CASKIN1: variants seen among roughly 807,000 people sequenced by gnomAD.
CASKIN1 encodes caskin-1.
A neutral mutation model predicts 117.5 loss-of-function variants in CASKIN1; 42 were observed. That is an observed-to-expected ratio of 0.36 (90% CI 0.28 to 0.46). CASKIN1 has a LOEUF of 0.46. Ranked by LOEUF, CASKIN1 falls within the 20% of genes least tolerant of loss-of-function variation. The probability of loss-of-function intolerance (pLI) is 1.00; values close to 1 mark genes in which losing one functional copy is unlikely to be tolerated. For synonymous variants in CASKIN1, 1,148 were observed against 961.7 expected (o/e 1.19, Z -3.59); for missense variants, 2,083 against 2,077.3 (o/e 1.00, Z -0.05).
In CASKIN1 at chr16:2,180,607, T is replaced by G. The variant is rs760195405; in HGVS notation, c.2761A>C (p.Arg921=). The G allele has an allele frequency of 6.4e-7, 1 of 1,572,184 alleles. No homozygotes were observed. The highest frequency in any genetic ancestry group is 1.8e-5 in the Admixed American group (1 of 55,912). Residue 921 remains arginine (R), a synonymous_variant, in exon 18 of 20, where the codon AGG becomes CGG. Transcript: ENST00000343516. The part of the protein sequence containing the change: ...QRRVGRSHSV[R]APAGADKNVN... ...TTCTTGTCGGCACCTGCGGGCGCCC[T>G]CACTGAGTGGCTGCGGCCCACGCGC...
At chr16:2,187,126 C>A (rs2093187331) in intron 8 of CASKIN1, 40 bp downstream of exon 8, 1 of 1,612,818 alleles carries the variant, frequency 6.2e-7, no homozygotes, top group Non-Finnish European at 8.5e-7. Flanking sequence ...TGGCCCAGCC[C>A]CAGCCCCAGC....
In CASKIN1 at chr16:2,187,070, C is replaced by T; in HGVS notation, c.838G>A (p.Ala280Thr). 6.2e-7 allele frequency: 1 copy of T among 1,613,516 alleles called. No homozygotes were observed. The highest frequency in any genetic ancestry group is 8.5e-7 in the Non-Finnish European group (1 of 1,179,888). ...GCCCGGACCTGCAGGGCCGCTGAGG[C>T]CTCTGGGGATACAGGAGGGGGCCCC... ...SREIKQLLRE[A>T]SAALQVRATK... The change falls in exon 9 of 20, where the codon GCC becomes ACC. Residue 280 changes from alanine to threonine, a missense_variant and splice_region_variant. This residue lies in a region of CASKIN1 where 1,818 missense variants were observed against 1,688.9 expected (regional missense o/e 1.08). Transcript: ENST00000343516.
chr16:2,192,452 C>T (rs2093203903), intron 1 of CASKIN1, among the ~76,000 whole-genome samples: 1 of 152,112 alleles, frequency 6.6e-6, no homozygotes, highest in Admixed American at 6.5e-5. Context: ...AGTGGCCGTA[C>T]GTGGGGCTCC....
rs2093187646 is a variant in CASKIN1, at chr16:2,187,247, T to C, written c.754A>G (p.Thr252Ala). Residue 252 changes from threonine to alanine, a missense_variant, in exon 8 of 20, where the codon ACC becomes GCC. By Grantham distance (58) the Thr-to-Ala change is moderately conservative (BLOSUM62 0). Transcript: ENST00000343516. ...DSGINAHVRN[T>A]YSQTALDIVH... ...ATGTCCAGGGCTGTCTGGCTGTAGG[T>C]GTTCCTCACGTGGGCATTGATCCCG... 2 of 1,613,986 alleles carry C rather than the reference T, an allele frequency of 1.2e-6. No individual in the cohort carries two copies. The highest frequency in any genetic ancestry group is 1.7e-6 in the Non-Finnish European group (2 of 1,179,966).
rs1157265593 is a variant in CASKIN1, at chr16:2,181,589, C to T, written c.1779G>A (p.Lys593=). The part of the protein sequence containing the change: ...EIGITKLGHQ[K]KLMLAVRKLA... Reference sequence around the variant, plus strand: ...GCTTCCTCACAGCGAGCATCAGCTTCTTCTGGTGCCCTGAGTGGGGCGCAG... The same window carrying T: ...GCTTCCTCACAGCGAGCATCAGCTTTTTCTGGTGCCCTGAGTGGGGCGCAG... Residue 593 remains lysine (K), a synonymous_variant, in exon 18 of 20, where the codon AAG becomes AAA. Coordinates refer to ENST00000343516, the MANE Select transcript of CASKIN1 (RefSeq NM_020764.4). 5.8e-6 allele frequency: 9 copies of T among 1,548,610 alleles called. 1 individual carries two copies. Among genetic ancestry groups the T allele is most frequent in the Middle Eastern group, 3.4e-4 (2 of 5,952 alleles).
At chr16:2,190,238 C>A in intron 2 of CASKIN1, 68 bp from the exon 3 acceptor site, 1 of 1,592,846 alleles carries the variant, frequency 6.3e-7, no homozygotes, top group Non-Finnish European at 8.5e-7. Flanking sequence ...CCCTGCCCTC[C>A]CCCGGCACCT....
rs1035807616 is a variant in CASKIN1 at position 2,182,399 on chromosome 16, C to T, written c.1630-470G>A. Among the ~76,000 whole-genome samples, 1 of 152,098 alleles carries T rather than the reference C, an allele frequency of 6.6e-6. No individual in the cohort carries two copies. Among genetic ancestry groups the T allele is most frequent in the Non-Finnish European group, 1.5e-5 (1 of 68,016 alleles). ...CCCACATCACAGGGCCACACACATGCCACACAGCCACAACACACACACGTG... is the reference window on the plus strand; with the variant it reads ...CCCACATCACAGGGCCACACACATGTCACACAGCCACAACACACACACGTG... On this transcript the variant is annotated intron_variant, in intron 16 of 19. Coordinates refer to ENST00000343516, the MANE Select transcript of CASKIN1 (RefSeq NM_020764.4). This position sits in a 1 kb window ranked among gnomAD's most constrained non-coding sequence, Gnocchi z 4.1.
Position 2,180,279 on chromosome 16 carries a change from GGAGTGGGGT to G in CASKIN1, c.3080_3088del (p.His1027_Thr1029del). On this transcript the variant is annotated inframe_deletion, in exon 18 of 20. Transcript: ENST00000343516. ...GCCCGGCTCTGGGCTGGCAGGGCGG[GGAGTGGGGT>G]GGCCCTCAGGAGGCCTGCGGGCAGC... 1 of 1,568,868 alleles carries G rather than the reference GGAGTGGGGT, an allele frequency of 6.4e-7. No individual in the cohort carries two copies. Among genetic ancestry groups the G allele is most frequent in the Non-Finnish European group, 8.6e-7 (1 of 1,160,024 alleles).
At position 2,187,610 on chromosome 16, in the gene CASKIN1, T is replaced by A. The variant is rs1204162377; in HGVS notation, c.618-149A>T. On this transcript the variant is annotated intron_variant, in intron 6 of 19. Coordinates refer to ENST00000343516, the MANE Select transcript of CASKIN1 (RefSeq NM_020764.4). ...CCTGCCCCATGTCTCTGACATTCAC[T>A]GAGTGCTGAGCGCTTTTTTTTTCTT... 9 of 641,970 alleles carry A rather than the reference T, an allele frequency of 1.4e-5. No individual in the cohort carries two copies. In the East Asian group the frequency reaches 2.2e-4, roughly 16 times the overall value. The allele number at this position is 641,970 out of a possible 1,614,324, so 39.8% of individuals were successfully genotyped here. A position where few individuals can be genotyped will look rare whatever the true frequency, so the allele number is the denominator to read the frequency against.
chr16:2,187,500 C>T (rs369708300), intron 6 of CASKIN1, 39 bp from the exon 7 acceptor site: 50 of 1,552,574 alleles, frequency 3.2e-5, no homozygotes, highest in Non-Finnish European at 4.1e-5. Flanking sequence ...GGCCTTCCAG[C>T]AGGAGGCCGG....
chr16:2,183,865 T>C lies in CASKIN1; in HGVS notation c.1493A>G (p.Tyr498Cys). Reference protein sequence around the residue: ...LYAPNFISAGYDLPTISRMTP... With the variant: ...LYAPNFISAGCDLPTISRMTP... ...CATGCGGCTGATGGTGGGCAGGTCGTAGCCGGCGCTGATGAAGTTGGGGGC... is the reference window on the plus strand; with the variant it reads ...CATGCGGCTGATGGTGGGCAGGTCGCAGCCGGCGCTGATGAAGTTGGGGGC... Residue 498 changes from tyrosine (Y) to cysteine (C), a missense_variant, in exon 15 of 20, where the codon TAC (tyrosine) becomes TGC (cysteine). Tyr to Cys is a radical substitution (Grantham distance 194). Around this residue, in one of 3 missense-constraint regions of CASKIN1, gnomAD observed 1,818 missense variants for 1,688.9 expected, o/e 1.08. Transcript: ENST00000343516. 4 of 1,612,718 alleles carry C rather than the reference T, an allele frequency of 2.5e-6. No homozygotes were observed. The highest frequency in any genetic ancestry group is 3.4e-6 in the Non-Finnish European group (4 of 1,179,762).
In CASKIN1 at chr16:2,180,326, C is replaced by A; in HGVS notation, c.3042G>T (p.Gly1014=). Residue 1014 remains glycine, a synonymous_variant, in exon 18 of 20, where the codon GGG becomes GGT. Coordinates refer to ENST00000343516, the MANE Select transcript of CASKIN1 (RefSeq NM_020764.4). ...IAAMLELSSI[G]GGGRAARRPP... ...GCCTGCGGGCAGCCCGGCCCCCACC[C>A]CCAATGGAGGACAGCTCCAGCATGG... 6.3e-7 allele frequency: 1 copy of A among 1,597,588 alleles called. No individual in the cohort carries two copies.
In CASKIN1 at chr16:2,189,011, C is replaced by G; in HGVS notation, c.617+16G>C. The G allele has an allele frequency of 6.2e-7, 1 of 1,605,284 alleles. No individual in the cohort carries two copies. The stretch of plus-strand genomic sequence containing the variant: ...GGGGACCCTAAGGCTGAGGCCCTCC[C>G]TGCTACCGGCTCTACCTGATGATGT... On this transcript the variant is annotated intron_variant, in intron 6 of 19. Transcript: ENST00000343516.
chr16:2,189,999 T>C, intron 3 of CASKIN1, 74 bp downstream of exon 3: 1 of 1,365,834 alleles, frequency 7.3e-7, no homozygotes, highest in South Asian at 1.2e-5. Flanking sequence ...CAGCCAAGGA[T>C]CCATGCAGGC....
chr16:2,192,211 A>C (rs1374885152), intron 1 of CASKIN1, among the ~76,000 whole-genome samples: 2 of 151,500 alleles, frequency 1.3e-5, no homozygotes, highest in Admixed American at 6.6e-5. Flanking sequence ...AGGCGGGAGG[A>C]TCGCTTGAGC....
chr16:2,193,664 G>T (rs1309253662), intron 1 of CASKIN1, among the ~76,000 whole-genome samples: 1 of 152,244 alleles, frequency 6.6e-6, no homozygotes, highest in Non-Finnish European at 1.5e-5. Context: ...TCAAAGCCCA[G>T]AAAGTAACAT....
At position 2,185,163 on chromosome 16, in the gene CASKIN1, C is replaced by T. The variant is rs1596689730; in HGVS notation, c.1187G>A (p.Gly396Asp). 1 of 1,609,582 alleles carries T rather than the reference C, an allele frequency of 6.2e-7. No homozygotes were observed. The highest frequency in any genetic ancestry group is 8.5e-7 in the Non-Finnish European group (1 of 1,179,564). The change falls in exon 12 of 20, where the codon GGC becomes GAC. Residue 396 changes from glycine to aspartate, a missense_variant. Coordinates refer to ENST00000343516, the MANE Select transcript of CASKIN1 (RefSeq NM_020764.4). ...DRSGSISGMAGGRGSGGHALH... is the reference protein window; with the variant it reads ...DRSGSISGMADGRGSGGHALH... Reference sequence around the variant, plus strand: ...GGCGTGACCCCCGCTGCCCCGGCCGCCAGCCATGCCGCTAATGCTGCCGCT... The same window carrying T: ...GGCGTGACCCCCGCTGCCCCGGCCGTCAGCCATGCCGCTAATGCTGCCGCT...
At chr16:2,184,102 C>A (rs527564460) in intron 14 of CASKIN1, among the ~76,000 whole-genome samples, 161 bp from the exon 15 acceptor site, 1 of 152,078 alleles carries the variant, frequency 6.6e-6, no homozygotes, top group African/African-American at 2.4e-5. Context: ...CGTGAGTGAT[C>A]CTCAGTCCGC....
chr16:2,180,779 C>T lies in CASKIN1; in HGVS notation c.2589G>A (p.Leu863=), dbSNP rs1005042924. The change falls in exon 18 of 20, where the codon CTG becomes CTA. Residue 863 remains leucine, a synonymous_variant. Coordinates refer to ENST00000343516, the MANE Select transcript of CASKIN1 (RefSeq NM_020764.4). ...PPPVPTAVPT[L]CLPPEADAEP... is the part of the protein sequence containing the mutation. The stretch of plus-strand genomic sequence containing the variant: ...CCGCGTCGGCCTCAGGGGGCAGGCA[C>T]AGTGTGGGCACAGCCGTCGGCACGG... 1.4e-6 allele frequency: 2 copies of T among 1,425,396 alleles called. No homozygotes were observed. The highest frequency in any genetic ancestry group is 3.0e-5 in the Admixed American group (1 of 33,158). The allele number at this position is 1,425,396 out of a possible 1,614,324, so 88.3% of individuals were successfully genotyped here.
Sources: allele counts gnomAD v4.1 joint callset (sites outside exome capture counted in the v4.1 genomes callset), GRCh38; gene constraint gnomAD v4.1.1; regional missense constraint gnomAD v4.1.1; non-coding constraint Gnocchi (gnomAD v3.1); transcripts MANE v1.5; gene names NCBI Gene and HGNC (gene_info 2026-07-23, HGNC 2026-07-21).